Variants in DOK6 observed in about 807,000 individuals in gnomAD.
The protein encoded by DOK6 is docking protein 6.
A neutral mutation model predicts 44.0 loss-of-function variants in DOK6; 22 were observed. The ratio of observed to expected loss-of-function variants is 0.50; its 90% CI spans 0.36 to 0.71. The LOEUF is 0.71. Among genes scored for constraint, DOK6 ranks in the 30% least tolerant of loss-of-function variants. DOK6 has a pLI of 0.00. For missense variants in DOK6, 340 were observed against 416.4 expected (o/e 0.82, Z 1.60); for synonymous variants, 166 against 145.5 (o/e 1.14, Z -1.01).
chr18:69,672,012 G>T (rs1201240738), intron 3 of DOK6, among the ~76,000 whole-genome samples: 1 of 152,090 alleles, frequency 6.6e-6, no homozygotes, highest in East Asian at 1.9e-4. Context: ...TGATATTTAG[G>T]GGCTATGATA....
chr18:69,702,134 GTTT>G (rs34123199), intron 5 of DOK6, among the ~76,000 whole-genome samples: 12 of 126,370 alleles, frequency 9.5e-5, no homozygotes, highest in Non-Finnish European at 2.0e-4. Flanking sequence ...TTCTGGGTTG[GTTT>G]TTTTTTTTTT....
At chr18:69,474,497 G>A (rs779586093) in intron 1 of DOK6, among the ~76,000 whole-genome samples, 10 of 152,012 alleles carry the variant, frequency 6.6e-5, no homozygotes, top group East Asian at 1.9e-4. Context: ...TATGTGCTTC[G>A]ATCTTTAAAA....
At chr18:69,508,095 C>T (rs1050473540) in intron 1 of DOK6, among the ~76,000 whole-genome samples, 1 of 152,026 alleles carries the variant, frequency 6.6e-6, no homozygotes, top group Non-Finnish European at 1.5e-5. Flanking sequence ...TGATTATTTT[C>T]AAATATTATT....
At chr18:69,538,672 C>CATCCTTG (rs56030064) in intron 1 of DOK6, among the ~76,000 whole-genome samples, 151,999 of 152,284 alleles carry the variant, frequency 1, 75,858 homozygotes, top group South Asian at 1. Flanking sequence ...TGTGAGCTAC[C>CATCCTTG]GCCTCCATTT....
chr18:69,836,535 A>G (rs1982059548), intron 7 of DOK6, among the ~76,000 whole-genome samples: 2 of 152,184 alleles, frequency 1.3e-5, no homozygotes, highest in South Asian at 4.1e-4. Context: ...ATATGGGTAG[A>G]AAATAGTATT....
chr18:69,712,430 A>G (rs539175681), intron 5 of DOK6, among the ~76,000 whole-genome samples: 20 of 151,800 alleles, frequency 1.3e-4, no homozygotes, highest in Non-Finnish European at 2.6e-4. Context: ...GAAGGGTGCA[A>G]TTTACAACTC....
At chr18:69,434,952 G>GA (rs1468777865) in intron 1 of DOK6, among the ~76,000 whole-genome samples, 2,200 of 105,324 alleles carry the variant, frequency 0.021, 92 homozygotes, top group Admixed American at 0.037. Flanking sequence ...GGGAGGGAGG[G>GA]AGGGAAGGAA....
chr18:69,641,670 T>A (rs1446805433), intron 3 of DOK6, among the ~76,000 whole-genome samples: 1 of 152,224 alleles, frequency 6.6e-6, no homozygotes, highest in Non-Finnish European at 1.5e-5. Flanking sequence ...GCAATGAGAA[T>A]GCTGCCTCAA....
At chr18:69,600,855 G>A (rs1483777429) in intron 3 of DOK6, among the ~76,000 whole-genome samples, 5 of 152,048 alleles carry the variant, frequency 3.3e-5, no homozygotes, top group African/African-American at 1.2e-4. Flanking sequence ...TGTTGTGTTT[G>A]GAAAGGTATT....
intron 7 of DOK6, among the ~76,000 whole-genome samples, chr18:69,824,291 C>A (rs530284153): frequency 1.4e-5 from 2 of 143,848 alleles, no homozygotes; most frequent in African/African-American, 5.1e-5. Context: ...TGAGAACATG[C>A]GGTGTTTGGT....
At chr18:69,564,775 A>T (rs1489811081) in intron 2 of DOK6, among the ~76,000 whole-genome samples, 181 bp downstream of exon 2, 1 of 152,148 alleles carries the variant, frequency 6.6e-6, no homozygotes, top group Non-Finnish European at 1.5e-5. Flanking sequence ...TGCCAGTGCT[A>T]CCTCTGTGCA....
chr18:69,455,487 T>C (rs542852731), intron 1 of DOK6, among the ~76,000 whole-genome samples: 54 of 152,342 alleles, frequency 3.5e-4, no homozygotes, highest in African/African-American at 1.2e-3. Flanking sequence ...TTAACAGAAA[T>C]ATATGTGAAT....
intron 3 of DOK6, among the ~76,000 whole-genome samples, chr18:69,623,272 C>A (rs149080004): frequency 0.015 from 2,227 of 152,194 alleles, 40 homozygotes; most frequent in African/African-American, 0.051. Flanking sequence ...CTGATTAAAC[C>A]TCTTTTCTTT....
chr18:69,733,438 T>G (rs1978485876), intron 5 of DOK6, among the ~76,000 whole-genome samples: 1 of 152,192 alleles, frequency 6.6e-6, no homozygotes, highest in African/African-American at 2.4e-5. Flanking sequence ...ATTTATTGTG[T>G]ACAACCTGAT....
At chr18:69,781,509 G>A (rs911882291) in intron 7 of DOK6, 24 of 152,042 alleles carry the variant, frequency 1.6e-4, no homozygotes, top group Non-Finnish European at 2.6e-4. Context: ...CCACCTAAAC[G>A]TATGAATATG....
intron 1 of DOK6, chr18:69,469,605 G>A: frequency 4.8e-6 from 1 of 207,770 alleles, no homozygotes; most frequent in Non-Finnish European, 1.0e-5. Context: ...TTCCCTGCGT[G>A]CTCATCTCAG....
rs1202673775 is a variant in DOK6, at chr18:69,498,884, G to A, written c.67-65603G>A. Among the ~76,000 whole-genome samples the A allele has an allele frequency of 5.9e-5, 9 of 152,122 alleles. No homozygotes were observed. The East Asian group carries it at 1.7e-3, about 29-fold the overall frequency. The stretch of plus-strand genomic sequence containing the variant: ...TGAAAACAAATTTTCCCGTGTATCA[G>A]GGTGAGTTGTTACATTGATTTTACA... On this transcript the variant is annotated intron_variant, in intron 1 of 7. Coordinates refer to ENST00000382713, the MANE Select transcript of DOK6 (RefSeq NM_152721.6).
chr18:69,696,538 A>C (rs544777932), intron 4 of DOK6, among the ~76,000 whole-genome samples: 2 of 152,334 alleles, frequency 1.3e-5, no homozygotes, highest in African/African-American at 4.8e-5. Flanking sequence ...ATGTAAAGAA[A>C]TGTTTTACTT....
chr18:69,683,916 C>T (rs892570407), intron 4 of DOK6, among the ~76,000 whole-genome samples: 1 of 152,188 alleles, frequency 6.6e-6, no homozygotes, highest in Non-Finnish European at 1.5e-5. Context: ...CCTCCTTCTG[C>T]ACCTAACATG....
Sources: gnomAD v4.1 joint callset for allele counts (sites outside exome capture counted in the v4.1 genomes callset) on GRCh38, gnomAD v4.1.1 for gene constraint, MANE v1.5 for transcripts, NCBI Gene and HGNC (gene_info 2026-07-23, HGNC 2026-07-21) for gene names.